Variants in SHISA9 observed in about 807,000 individuals in gnomAD.
SHISA9 encodes the protein shisa family member 9, also known as protein shisa-9.
SHISA9 carries 13 observed loss-of-function variants against 38.0 expected under a neutral mutation model. The ratio of observed to expected loss-of-function variants is 0.34; its 90% CI spans 0.22 to 0.54. The LOEUF (loss-of-function observed/expected upper bound fraction) is 0.54, where lower values mean the gene tolerates loss of function less well. Ranked by LOEUF, SHISA9 falls within the 20% of genes least tolerant of loss-of-function variation. SHISA9 has a pLI of 0.91. For missense variants in SHISA9, 538 were observed against 575.8 expected (o/e 0.93, Z 0.67); for synonymous variants, 275 against 242.0 (o/e 1.14, Z -1.27).
At chr16:13,523,117 G>A in the SHISA9 span, among the ~76,000 whole-genome samples, 1 of 152,294 alleles carries the variant, frequency 6.6e-6, no homozygotes, top group Non-Finnish European at 1.5e-5. Flanking sequence ...GGAGGCCAAG[G>A]CGGGCAGATC....
At chr16:13,464,212 C>G in the SHISA9 span, among the ~76,000 whole-genome samples, 2 of 152,128 alleles carry the variant, frequency 1.3e-5, no homozygotes, top group African/African-American at 2.4e-5. Context: ...CTACCTAGCA[C>G]TTAGGGTTTA....
chr16:13,322,753 G>C, the SHISA9 span, among the ~76,000 whole-genome samples: 437 of 152,216 alleles, frequency 2.9e-3, 6 homozygotes, highest in African/African-American at 1.0e-2. Flanking sequence ...AAATTGGGTG[G>C]GGATGAGGAA....
the SHISA9 span, among the ~76,000 whole-genome samples, chr16:13,416,645 G>A: frequency 2.0e-5 from 3 of 152,080 alleles, no homozygotes; most frequent in Admixed American, 1.3e-4. Flanking sequence ...CCAGGAGTTC[G>A]AGGCTGCACT....
chr16:13,545,332 C>CA, the SHISA9 span, among the ~76,000 whole-genome samples: 3 of 152,072 alleles, frequency 2.0e-5, no homozygotes, highest in East Asian at 1.9e-4. Flanking sequence ...TAAACAAGAT[C>CA]AAAAAAAGCA....
chr16:13,073,066 C>T (rs1383178079), intron 2 of SHISA9, among the ~76,000 whole-genome samples: 2 of 152,162 alleles, frequency 1.3e-5, no homozygotes, highest in East Asian at 1.9e-4. Flanking sequence ...GCTGGGATTA[C>T]AGACGTGAGC....
the SHISA9 span, among the ~76,000 whole-genome samples, chr16:13,436,488 A>G: frequency 2.0e-4 from 30 of 152,310 alleles, no homozygotes; most frequent in African/African-American, 6.5e-4. Context: ...CTCATCAATA[A>G]TCTACCCTTT....
At chr16:13,023,124 C>G in intron 2 of SHISA9, among the ~76,000 whole-genome samples, 1 of 152,026 alleles carries the variant, frequency 6.6e-6, no homozygotes, top group East Asian at 1.9e-4. Context: ...CACCCATCAA[C>G]TCATCATTTA....
chr16:13,025,722 C>T (rs183886236), intron 2 of SHISA9, among the ~76,000 whole-genome samples: 32 of 152,264 alleles, frequency 2.1e-4, no homozygotes, highest in Admixed American at 7.8e-4. Flanking sequence ...TTCCTAACTG[C>T]GGGTCAGTTC....
chr16:13,041,447 T>G (rs1449241282), intron 2 of SHISA9, among the ~76,000 whole-genome samples: 1 of 152,212 alleles, frequency 6.6e-6, no homozygotes, highest in East Asian at 1.9e-4. Context: ...ACCTTTGTCC[T>G]CTCTTTGGCT....
chr16:13,269,582 T>G, the SHISA9 span, among the ~76,000 whole-genome samples: 41 of 152,192 alleles, frequency 2.7e-4, no homozygotes, highest in African/African-American at 9.4e-4. Context: ...GAAAAGCCAC[T>G]TCCCTTCCCT....
intron 2 of SHISA9, among the ~76,000 whole-genome samples, chr16:13,060,783 A>G (rs1169605494): frequency 6.6e-6 from 1 of 152,166 alleles, no homozygotes; most frequent in African/African-American, 2.4e-5. Flanking sequence ...GAAGCTTTAA[A>G]ATTATCTCCT....
At chr16:13,300,619 G>T in the SHISA9 span, among the ~76,000 whole-genome samples, 1 of 152,154 alleles carries the variant, frequency 6.6e-6, no homozygotes. Flanking sequence ...ATTCAATTGA[G>T]TCCTGAAAAT....
At chr16:13,402,252 A>T in the SHISA9 span, among the ~76,000 whole-genome samples, 4 of 152,140 alleles carry the variant, frequency 2.6e-5, no homozygotes, top group African/African-American at 7.2e-5. Flanking sequence ...AGTGCAATTC[A>T]GTCTGAGTTC....
the SHISA9 span, among the ~76,000 whole-genome samples, chr16:13,317,724 A>G: frequency 6.6e-6 from 1 of 152,316 alleles, no homozygotes; most frequent in South Asian, 2.1e-4. Context: ...GTACACAGCA[A>G]GTGCTTAATA....
chr16:13,509,146 A>G, the SHISA9 span, among the ~76,000 whole-genome samples: 1 of 152,160 alleles, frequency 6.6e-6, no homozygotes, highest in East Asian at 1.9e-4. Context: ...AAATATTTGC[A>G]TAATCTGTCT....
the SHISA9 span, among the ~76,000 whole-genome samples, chr16:13,282,045 G>T: frequency 6.6e-6 from 1 of 151,810 alleles, no homozygotes; most frequent in African/African-American, 2.4e-5. Context: ...ATGAGAAAAA[G>T]AAAACAATAT....
intron 1 of SHISA9, chr16:12,910,557 C>T (rs1230095568): frequency 1.0e-6 from 1 of 985,292 alleles, no homozygotes; most frequent in African/African-American, 1.7e-5. Flanking sequence ...TACTAGCTTT[C>T]AGTACTCTCT....
the SHISA9 span, among the ~76,000 whole-genome samples, chr16:13,297,766 C>G: frequency 3.6e-4 from 55 of 151,578 alleles, no homozygotes; most frequent in African/African-American, 1.3e-3. Context: ...TTTTTTCTTT[C>G]TTCTTTTGAG....
chr16:13,528,897 A>T, the SHISA9 span, among the ~76,000 whole-genome samples: 26 of 152,338 alleles, frequency 1.7e-4, no homozygotes, highest in African/African-American at 5.5e-4. Context: ...TGATGATCAG[A>T]CACAGTCAGG....
Sources: allele counts gnomAD v4.1 joint callset (sites outside exome capture counted in the v4.1 genomes callset), GRCh38; gene constraint gnomAD v4.1.1; transcripts MANE v1.5; gene names NCBI Gene and HGNC (gene_info 2026-07-23, HGNC 2026-07-21).